Variants in LHFPL3 observed in about 807,000 individuals in gnomAD.
The protein encoded by LHFPL3 is LHFPL tetraspan subfamily member 3, also known as LHFPL tetraspan subfamily member 3 protein.
Under a neutral mutation model 19.3 loss-of-function variants are expected in LHFPL3, and 5 were observed. The ratio of observed to expected loss-of-function variants is 0.26; its 90% CI spans 0.14 to 0.54. The LOEUF (loss-of-function observed/expected upper bound fraction) is 0.54. Ranked by LOEUF, LHFPL3 falls within the 20% of genes least tolerant of loss-of-function variation. The pLI, the probability that LHFPL3 is intolerant of heterozygous loss-of-function variation, is 0.94. For synonymous variants in LHFPL3, 133 were observed against 126.2 expected (o/e 1.05, Z -0.36); for missense variants, 249 against 307.4 (o/e 0.81, Z 1.42).
chr7:104,827,059 A>G (rs1171334168), intron 2 of LHFPL3, among the ~76,000 whole-genome samples: 1 of 151,872 alleles, frequency 6.6e-6, no homozygotes, highest in Non-Finnish European at 1.5e-5. Context: ...TTTTTGCACC[A>G]TTTACCCTAG....
At chr7:104,516,855 T>C (rs373422210) in intron 1 of LHFPL3, among the ~76,000 whole-genome samples, 32 of 152,298 alleles carry the variant, frequency 2.1e-4, no homozygotes, top group Admixed American at 3.9e-4. Flanking sequence ...TGTATATTCA[T>C]TGCAGTGCTA....
At chr7:104,410,058 T>C (rs1294898766) in intron 1 of LHFPL3, among the ~76,000 whole-genome samples, 2 of 152,142 alleles carry the variant, frequency 1.3e-5, no homozygotes, top group Non-Finnish European at 2.9e-5. Flanking sequence ...TGAAACGTGG[T>C]CCATATTCCT....
chr7:104,725,126 T>G (rs1404429493), intron 1 of LHFPL3, among the ~76,000 whole-genome samples: 1 of 152,252 alleles, frequency 6.6e-6, no homozygotes, highest in Non-Finnish European at 1.5e-5. Context: ...CAGGGAACAA[T>G]GGCTTGCCAT....
chr7:104,596,520 T>C (rs2115672266), intron 1 of LHFPL3, among the ~76,000 whole-genome samples: 1 of 152,364 alleles, frequency 6.6e-6, no homozygotes, highest in Middle Eastern at 3.4e-3. Context: ...AACAACAATT[T>C]TCCTGCATCT....
At chr7:104,576,405 A>G (rs1313310821) in intron 1 of LHFPL3, among the ~76,000 whole-genome samples, 3 of 152,178 alleles carry the variant, frequency 2.0e-5, no homozygotes, top group South Asian at 2.1e-4. Flanking sequence ...CAAACACACT[A>G]TTTATACTTA....
intron 2 of LHFPL3, among the ~76,000 whole-genome samples, chr7:104,865,939 G>T (rs980331193): frequency 2.0e-5 from 3 of 152,170 alleles, no homozygotes; most frequent in African/African-American, 4.8e-5. Flanking sequence ...TTAAAGAAAA[G>T]AATTTTCAAC....
At chr7:104,477,655 A>G (rs909402050) in intron 1 of LHFPL3, among the ~76,000 whole-genome samples, 7 of 152,144 alleles carry the variant, frequency 4.6e-5, no homozygotes, top group African/African-American at 1.7e-4. Context: ...GGTACTAGGT[A>G]TAATACCTGG....
chr7:104,410,731 A>C (rs539258530), intron 1 of LHFPL3, among the ~76,000 whole-genome samples: 8 of 152,240 alleles, frequency 5.3e-5, no homozygotes, highest in Non-Finnish European at 1.2e-4. Flanking sequence ...AAATGCATTT[A>C]ACATTGTATT....
At chr7:104,633,085 T>C (rs1280292120) in intron 1 of LHFPL3, among the ~76,000 whole-genome samples, 2 of 152,140 alleles carry the variant, frequency 1.3e-5, no homozygotes, top group Non-Finnish European at 2.9e-5. Context: ...ATGATGACAG[T>C]TGATGATGAG....
intron 2 of LHFPL3, chr7:104,785,443 A>G (rs7458296): frequency 6.6e-6 from 1 of 151,784 alleles, no homozygotes; most frequent in Non-Finnish European, 1.5e-5. Context: ...CCCCAACCCA[A>G]CTCGAAGCTT....
intron 1 of LHFPL3, among the ~76,000 whole-genome samples, chr7:104,349,451 C>T (rs1465872015): frequency 6.6e-6 from 1 of 152,018 alleles, no homozygotes; most frequent in Non-Finnish European, 1.5e-5. Context: ...TATAATAAAC[C>T]CCAGACATAC....
chr7:104,721,025 A>G (rs930992455), intron 1 of LHFPL3, among the ~76,000 whole-genome samples: 1 of 152,218 alleles, frequency 6.6e-6, no homozygotes, highest in Non-Finnish European at 1.5e-5. Flanking sequence ...TGACCTAGCA[A>G]TCCCATTACT....
rs1278395030 is a variant in LHFPL3, at chr7:104,399,123, T to C, written c.445+69899T>C. On this transcript the variant is annotated intron_variant, in intron 1 of 2. Transcript: ENST00000424859. The surrounding 1 kb of genome is among the most constrained non-coding windows in gnomAD (Gnocchi z 4.4). ...ACACACAGGATAGTGGGGGAAGATG[T>C]CACTTCCTATGGGGTTTTCTGGGGA... is the stretch of plus-strand genomic sequence containing the variant. Among the ~76,000 whole-genome samples the C allele has an allele frequency of 6.6e-6, 1 of 152,154 alleles. No homozygotes were observed. The highest frequency in any genetic ancestry group is 1.5e-5 in the Non-Finnish European group (1 of 68,036).
At chr7:104,793,420 G>A (rs1177466157) in intron 2 of LHFPL3, among the ~76,000 whole-genome samples, 1 of 152,190 alleles carries the variant, frequency 6.6e-6, no homozygotes, top group Non-Finnish European at 1.5e-5. Context: ...GTTTTTCATT[G>A]TGAAGAAATT....
chr7:104,666,482 T>TAATG (rs1297128526), intron 1 of LHFPL3, among the ~76,000 whole-genome samples: 1 of 149,760 alleles, frequency 6.7e-6, no homozygotes. Context: ...TCAGTTCCAT[T>TAATG]GACGTTGCTG....
chr7:104,710,078 C>T (rs187849032), intron 1 of LHFPL3, among the ~76,000 whole-genome samples: 14 of 152,146 alleles, frequency 9.2e-5, no homozygotes, highest in Admixed American at 7.2e-4. Context: ...CCCGGCACCT[C>T]GGGAGGCCGA....
At chr7:104,648,113 G>A (rs1370659747) in intron 1 of LHFPL3, among the ~76,000 whole-genome samples, 4 of 152,126 alleles carry the variant, frequency 2.6e-5, no homozygotes, top group East Asian at 1.9e-4. Context: ...TGACTAGGCC[G>A]GGCCATTTCC....
chr7:104,466,761 T>C (rs1397656782), intron 1 of LHFPL3, among the ~76,000 whole-genome samples: 1 of 152,216 alleles, frequency 6.6e-6, no homozygotes, highest in African/African-American at 2.4e-5. Context: ...TAGCTGAAAT[T>C]GAAATCTTCT....
At chr7:104,569,095 G>T (rs980902543) in intron 1 of LHFPL3, among the ~76,000 whole-genome samples, 1 of 152,070 alleles carries the variant, frequency 6.6e-6, no homozygotes, top group Non-Finnish European at 1.5e-5. Flanking sequence ...TAGTGTTCTA[G>T]CTCTGGATAG....
Sources: allele counts gnomAD v4.1 joint callset (sites outside exome capture counted in the v4.1 genomes callset), GRCh38; gene constraint gnomAD v4.1.1; non-coding constraint Gnocchi (gnomAD v3.1); transcripts MANE v1.5; gene names NCBI Gene and HGNC (gene_info 2026-07-23, HGNC 2026-07-21).